The following DNAI1 variants were observed in gnomAD, a reference collection of about 807,000 sequenced individuals.
DNAI1 encodes the protein dynein axonemal intermediate chain 1.
In DNAI1, 67 loss-of-function variants were observed where a neutral mutation model predicts 92.0. The observed-to-expected ratio is 0.73, with a 90% CI of 0.60 to 0.89. The LOEUF (loss-of-function observed/expected upper bound fraction) is 0.89, where lower values mean the gene tolerates loss of function less well. Ranked by LOEUF, DNAI1 falls within the 40% of genes least tolerant of loss-of-function variation. The pLI, the probability that DNAI1 is intolerant of heterozygous loss-of-function variation, is 0.00. For synonymous variants in DNAI1, 323 were observed against 319.6 expected (o/e 1.01, Z -0.11); for missense variants, 839 against 866.6 (o/e 0.97, Z 0.40).
chr9:34,507,082 C>G (rs1824949729), intron 13 of DNAI1, among the ~76,000 whole-genome samples: 1 of 152,164 alleles, frequency 6.6e-6, no homozygotes, highest in South Asian at 2.1e-4. Context: ...GGGTCTGCTG[C>G]TCCAGAGCTT....
At chr9:34,493,402 T>C in intron 9 of DNAI1, 74 bp downstream of exon 9, 1 of 1,597,862 alleles carries the variant, frequency 6.3e-7, no homozygotes, top group Non-Finnish European at 8.6e-7. Context: ...GACAGAAGCC[T>C]GGCTGTCTGG....
At chr9:34,488,427 C>T (rs1185876783) in intron 4 of DNAI1, 1 of 153,500 alleles carries the variant, frequency 6.5e-6, no homozygotes, top group Non-Finnish European at 1.4e-5. Context: ...GCGATCCTTC[C>T]AGCCCTCCAG....
At chr9:34,500,583 T>G in intron 10 of DNAI1, 139 bp from the exon 11 acceptor site, 42 of 686,572 alleles carry the variant, frequency 6.1e-5, no homozygotes, top group Non-Finnish European at 6.6e-5. Flanking sequence ...AACAGAACTC[T>G]GAGATAGGTA....
chr9:34,463,046 A>G (rs913070880), intron 1 of DNAI1, among the ~76,000 whole-genome samples: 6 of 152,228 alleles, frequency 3.9e-5, no homozygotes, highest in Non-Finnish European at 7.3e-5. Flanking sequence ...TAAGAAGTTC[A>G]GGGAATCACA....
chr9:34,470,190 T>G (rs1232472580), intron 1 of DNAI1, among the ~76,000 whole-genome samples: 12 of 151,516 alleles, frequency 7.9e-5, no homozygotes. Context: ...GAAAGCAAAA[T>G]GGAGTACTAA....
At chr9:34,473,088 C>G (rs1257881427) in intron 1 of DNAI1, among the ~76,000 whole-genome samples, 1 of 151,998 alleles carries the variant, frequency 6.6e-6, no homozygotes, top group African/African-American at 2.4e-5. Flanking sequence ...GCATCTATTC[C>G]TGTAACTTGC....
intron 1 of DNAI1, 43 bp from the exon 2 acceptor site, chr9:34,483,405 A>G (rs1282995227): frequency 6.3e-7 from 1 of 1,595,126 alleles, no homozygotes. Flanking sequence ...TTTCCATGTC[A>G]ATTTGCTTAT....
At position 34,464,083 on chromosome 9, in the gene DNAI1, A is replaced by T. The variant is rs144795373; in HGVS notation, c.48+5030A>T. Among the ~76,000 whole-genome samples the T allele has an allele frequency of 5.9e-5, 9 of 152,246 alleles. No homozygotes were observed. The East Asian group carries it at 1.7e-3, about 29-fold the overall frequency. On this transcript the variant is annotated intron_variant, in intron 1 of 19. Transcript: ENST00000242317. ...TTACCTCTTAAATATCTCTCAAATT[A>T]AACTACTTTTTTTCATATACACTGC... is the stretch of plus-strand genomic sequence containing the variant.
At chr9:34,509,667 T>C (rs1435069340) in intron 13 of DNAI1, among the ~76,000 whole-genome samples, 1 of 152,042 alleles carries the variant, frequency 6.6e-6, no homozygotes, top group Non-Finnish European at 1.5e-5. Context: ...TTTTGAAGCC[T>C]GAGCTAGGGC....
chr9:34,494,893 G>A (rs1456030420), intron 9 of DNAI1, among the ~76,000 whole-genome samples: 3 of 152,180 alleles, frequency 2.0e-5, no homozygotes, highest in Non-Finnish European at 4.4e-5. Context: ...TACTGGGCCA[G>A]GCTGTCTGTG....
In DNAI1 at chr9:34,483,268, G is replaced by A. The variant is rs557806704; in HGVS notation, c.49-180G>A. Reference sequence around the variant, plus strand: ...TGAAGGGCTCCTCAAATGCCACAAAGTGGGAGCCCAGGCAGGGGAGGTGCC... The same window carrying A: ...TGAAGGGCTCCTCAAATGCCACAAAATGGGAGCCCAGGCAGGGGAGGTGCC... On this transcript the variant is annotated intron_variant, in intron 1 of 19. Coordinates refer to ENST00000242317, the MANE Select transcript of DNAI1 (RefSeq NM_012144.4). Among the ~76,000 whole-genome samples the A allele has an allele frequency of 5.3e-5, 8 of 152,372 alleles. No homozygotes were observed. The East Asian group carries it at 1.4e-3, about 26-fold the overall frequency.
chr9:34,505,599 A>G (rs1040555431), intron 12 of DNAI1, among the ~76,000 whole-genome samples: 2 of 152,212 alleles, frequency 1.3e-5, no homozygotes, highest in Non-Finnish European at 2.9e-5. Context: ...GCATGACTTA[A>G]TAAGGGAGTC....
intron 7 of DNAI1, 112 bp downstream of exon 7, chr9:34,490,600 A>G: frequency 7.0e-7 from 1 of 1,430,974 alleles, no homozygotes; most frequent in Non-Finnish European, 9.8e-7. Flanking sequence ...GTGACAGGAC[A>G]ACAGATGCTA....
At chr9:34,512,022 TG>T in intron 13 of DNAI1, 86 bp from the exon 14 acceptor site, 2 of 1,299,672 alleles carry the variant, frequency 1.5e-6, no homozygotes, top group Middle Eastern at 1.8e-4. Context: ...GAGCCTCAGA[TG>T]GGTGCTTGGG....
chr9:34,501,893 C>T (rs937181779), intron 12 of DNAI1, among the ~76,000 whole-genome samples: 5 of 152,290 alleles, frequency 3.3e-5, no homozygotes, highest in Middle Eastern at 3.4e-3. Flanking sequence ...TGTGTCCAGG[C>T]GATTTGCTTT....
intron 10 of DNAI1, among the ~76,000 whole-genome samples, chr9:34,498,572 G>A (rs1278075455): frequency 3.3e-5 from 5 of 152,220 alleles, no homozygotes; most frequent in African/African-American, 9.6e-5. Flanking sequence ...AATCCTGGGG[G>A]CCTGGGAAAT....
intron 1 of DNAI1, among the ~76,000 whole-genome samples, chr9:34,477,922 CTCTT>C (rs1417339733): frequency 4.1e-3 from 360 of 86,842 alleles, no homozygotes; most frequent in African/African-American, 0.015. Context: ...CTCTCTCTCT[CTCTT>C]TTTTTTTTTT....
At chr9:34,477,948 T>G (rs907502830) in intron 1 of DNAI1, among the ~76,000 whole-genome samples, 89 of 140,952 alleles carry the variant, frequency 6.3e-4, no homozygotes, top group Non-Finnish European at 1.8e-4. Context: ...TTTTTTTTTT[T>G]TAGTCTCAGC....
intron 1 of DNAI1, among the ~76,000 whole-genome samples, chr9:34,463,887 G>A (rs1385930885): frequency 6.6e-6 from 1 of 152,128 alleles, no homozygotes; most frequent in African/African-American, 2.4e-5. Flanking sequence ...CAGAGATTTT[G>A]AGCCTGGTGA....
Sources: allele counts gnomAD v4.1 joint callset (sites outside exome capture counted in the v4.1 genomes callset), GRCh38; gene constraint gnomAD v4.1.1; transcripts MANE v1.5; gene names NCBI Gene and HGNC (gene_info 2026-07-23, HGNC 2026-07-21).